Variants in ECHDC1 observed in about 807,000 individuals in gnomAD.
The protein encoded by ECHDC1 is ethylmalonyl-CoA decarboxylase.
A neutral mutation model predicts 29.7 loss-of-function variants in ECHDC1; 29 were observed. That is an observed-to-expected ratio of 0.98 (90% confidence interval 0.73 to 1.33). The LOEUF (loss-of-function observed/expected upper bound fraction) is 1.33, where lower values mean the gene tolerates loss of function less well. ECHDC1 is among the 40% of genes most tolerant of loss of function. The probability of loss-of-function intolerance (pLI) is 0.00; values close to 1 mark genes in which losing one functional copy is unlikely to be tolerated. For missense variants in ECHDC1, 328 were observed against 350.0 expected (o/e 0.94, Z 0.50); for synonymous variants, 126 against 123.1 (o/e 1.02, Z -0.15).
At chr6:127,313,040 G>A (rs768297349) in intron 5 of ECHDC1, 1 of 152,076 alleles carries the variant, frequency 6.6e-6, no homozygotes, top group East Asian at 1.9e-4. Context: ...TGAACTGACT[G>A]GGAAGAGGCA....
At position 127,314,772 on chromosome 6, in the gene ECHDC1, GTTAA is replaced by G. The variant is rs777251619; in HGVS notation, c.497+40_497+43del. ...TTAAGGCAAAAATGAATTTGAGCAA[GTTAA>G]TTATATTTGTGCAAGAAATTAATGA... On this transcript the variant is annotated intron_variant, in intron 5 of 5. Transcript: ENST00000454859. 25 of 1,473,080 alleles carry G rather than the reference GTTAA, an allele frequency of 1.7e-5. No individual in the cohort carries two copies. In the Admixed American group the frequency reaches 4.9e-4, roughly 29 times the overall value. 91.3% of individuals were successfully genotyped at this position (1,473,080 alleles called of 1,614,324 possible).
At chr6:127,306,935 C>T (rs934497061) in intron 5 of ECHDC1, among the ~76,000 whole-genome samples, 1 of 152,138 alleles carries the variant, frequency 6.6e-6, no homozygotes, top group Admixed American at 6.5e-5. Flanking sequence ...GGTCAAAAGA[C>T]AAATCTTAAA....
At chr6:127,333,875 C>A (rs1784193009) in intron 1 of ECHDC1, among the ~76,000 whole-genome samples, 2 of 152,062 alleles carry the variant, frequency 1.3e-5, no homozygotes, top group African/African-American at 4.8e-5. Flanking sequence ...CTATTTTAGG[C>A]ATTCTAGTGG....
intron 5 of ECHDC1, among the ~76,000 whole-genome samples, chr6:127,294,132 A>G (rs765105007): frequency 1.3e-5 from 2 of 152,200 alleles, no homozygotes; most frequent in Admixed American, 6.5e-5. Context: ...AATATCTTGA[A>G]ATTTTAAAGA....
chr6:127,321,382 T>C (rs1459991074), intron 3 of ECHDC1, among the ~76,000 whole-genome samples: 2 of 152,172 alleles, frequency 1.3e-5, no homozygotes, highest in Non-Finnish European at 2.9e-5. Flanking sequence ...TCATATATAA[T>C]ACATGTATAA....
chr6:127,314,792 AAATT>A lies in ECHDC1; in HGVS notation c.497+20_497+23del, dbSNP rs759972555. On this transcript the variant is annotated intron_variant, in intron 5 of 5. Coordinates refer to ENST00000454859, the MANE Select transcript of ECHDC1 (RefSeq NM_001002030.2). ...AGCAAGTTAATTATATTTGTGCAAGAAATTAATGAAATTTTCATCCTACCTGAAA... is the reference window on the plus strand; with the variant it reads ...AGCAAGTTAATTATATTTGTGCAAGAAATGAAATTTTCATCCTACCTGAAA... 3.8e-6 allele frequency: 6 copies of A among 1,573,360 alleles called. No individual in the cohort carries two copies. The Admixed American group carries it at 1.1e-4, about 29-fold the overall frequency.
intron 5 of ECHDC1, among the ~76,000 whole-genome samples, chr6:127,314,255 C>T (rs1782181616): frequency 6.6e-6 from 1 of 152,054 alleles, no homozygotes; most frequent in Non-Finnish European, 1.5e-5. Context: ...AATGTCATTT[C>T]TATATAATAT....
chr6:127,322,122 A>G (rs1782879413), intron 3 of ECHDC1, among the ~76,000 whole-genome samples: 1 of 152,104 alleles, frequency 6.6e-6, no homozygotes, highest in African/African-American at 2.4e-5. Context: ...CCTGACCAAC[A>G]TGGTGAAACC....
rs757132115 is a variant in ECHDC1 at position 127,331,005 on chromosome 6, T to C, written c.24A>G (p.Thr8=). Residue 8 remains threonine (T), a synonymous_variant, in exon 2 of 6, where the codon ACA becomes ACG. Coordinates refer to ENST00000454859, the MANE Select transcript of ECHDC1 (RefSeq NM_001002030.2). MAKSLLK[T]ASLSGRTKLL... ...ATTTTGTCCTTCCAGACAGAGAGGC[T>C]GTCTTCAAAAGACTTTTCGCCATTT... 1 of 1,613,594 alleles carries C rather than the reference T, an allele frequency of 6.2e-7. No individual in the cohort carries two copies. The highest frequency in any genetic ancestry group is 8.5e-7 in the Non-Finnish European group (1 of 1,180,016).
chr6:127,310,565 A>C (rs1318596005), intron 5 of ECHDC1, among the ~76,000 whole-genome samples: 3 of 152,218 alleles, frequency 2.0e-5, no homozygotes, highest in Non-Finnish European at 2.9e-5. Context: ...CAATCTCATG[A>C]TAAAACCTGA....
At chr6:127,292,518 TTAAA>T (rs1780281681) in intron 5 of ECHDC1, among the ~76,000 whole-genome samples, 1 of 151,970 alleles carries the variant, frequency 6.6e-6, no homozygotes, top group African/African-American at 2.4e-5. Context: ...CTGATATACA[TTAAA>T]TATATATTAA....
At chr6:127,339,774 CAAA>C (rs10588955) in intron 1 of ECHDC1, among the ~76,000 whole-genome samples, 188 of 130,312 alleles carry the variant, frequency 1.4e-3, no homozygotes, top group Non-Finnish European at 1.7e-3. Context: ...GACTCTGTCT[CAAA>C]AAAAAAAAAA....
At chr6:127,311,982 G>T (rs963756560) in intron 5 of ECHDC1, among the ~76,000 whole-genome samples, 4 of 151,852 alleles carry the variant, frequency 2.6e-5, no homozygotes, top group African/African-American at 9.7e-5. Flanking sequence ...TTTTTCATAA[G>T]TGTATAGTTA....
rs1782571826 is a variant in ECHDC1, at chr6:127,318,439, A to G, written c.364-1937T>C. ...AATTGTGTTGTATGAATATGTGTTT[A>G]GATGCATTATCAGACACATCATCTC... On this transcript the variant is annotated intron_variant, in intron 3 of 5. Transcript: ENST00000454859. 2.0e-5 allele frequency among the ~76,000 whole-genome samples: 3 copies of G among 152,336 alleles called. No individual in the cohort carries two copies. In the South Asian group the frequency reaches 6.2e-4, roughly 32 times the overall value.
chr6:127,312,312 A>C (rs1229149653), intron 5 of ECHDC1, among the ~76,000 whole-genome samples: 3 of 152,302 alleles, frequency 2.0e-5, no homozygotes, highest in Admixed American at 6.5e-5. Context: ...TATGGCCAAT[A>C]AACACAAGGT....
intron 5 of ECHDC1, among the ~76,000 whole-genome samples, chr6:127,301,507 GCAGA>G (rs908647046): frequency 6.6e-6 from 1 of 152,106 alleles, no homozygotes; most frequent in Admixed American, 6.6e-5. Context: ...TTTAGAACAA[GCAGA>G]CATTCTTAGG....
chr6:127,335,398 G>T (rs1347776151), intron 1 of ECHDC1, among the ~76,000 whole-genome samples: 1 of 151,996 alleles, frequency 6.6e-6, no homozygotes, highest in Non-Finnish European at 1.5e-5. Context: ...GATAAATTGT[G>T]ACCTAATGCA....
intron 5 of ECHDC1, among the ~76,000 whole-genome samples, chr6:127,307,138 A>C (rs938753769): frequency 2.4e-4 from 37 of 152,206 alleles, no homozygotes; most frequent in African/African-American, 8.4e-4. Flanking sequence ...ATGAAGTACA[A>C]CATACCAAAA....
intron 4 of ECHDC1, 49 bp from the exon 5 acceptor site, chr6:127,314,945 C>T: frequency 6.6e-7 from 1 of 1,522,128 alleles, no homozygotes; most frequent in Non-Finnish European, 9.1e-7. Context: ...TTTCAATATT[C>T]ATTTACAAAT....
Sources: allele counts gnomAD v4.1 joint callset (sites outside exome capture counted in the v4.1 genomes callset), GRCh38; gene constraint gnomAD v4.1.1; transcripts MANE v1.5; gene names NCBI Gene and HGNC (gene_info 2026-07-23, HGNC 2026-07-21).